The following RIMS4 variants were observed in gnomAD, a reference collection of about 807,000 sequenced individuals.
The protein encoded by RIMS4 is regulating synaptic membrane exocytosis 4.
RIMS4 carries 9 observed loss-of-function variants against 29.0 expected under a neutral mutation model. That is an observed-to-expected ratio of 0.31 (90% CI 0.19 to 0.54). The LOEUF (loss-of-function observed/expected upper bound fraction) is 0.54, where lower values mean the gene tolerates loss of function less well. Among genes scored for constraint, RIMS4 ranks in the 20% least tolerant of loss-of-function variants. The pLI is 0.94. For synonymous variants in RIMS4, 130 were observed against 152.9 expected, an observed-to-expected ratio of 0.85 and a Z score of 1.10; for missense variants, 193 against 365.7, an observed-to-expected ratio of 0.53 and a Z score of 3.85.
At chr20:44,807,883 A>G (rs1214232510) in intron 1 of RIMS4, among the ~76,000 whole-genome samples, 3 of 151,952 alleles carry the variant, frequency 2.0e-5, no homozygotes, top group Non-Finnish European at 4.4e-5. Flanking sequence ...AGATGCCCAA[A>G]CCAAACTCTT....
chr20:44,795,841 G>A (rs2066252606), intron 1 of RIMS4, among the ~76,000 whole-genome samples: 1 of 152,052 alleles, frequency 6.6e-6, no homozygotes, highest in Non-Finnish European at 1.5e-5. Flanking sequence ...AGCAGAGTGT[G>A]GTCTCCAGAC....
At chr20:44,777,421 GTT>G (rs1046723153) in intron 1 of RIMS4, among the ~76,000 whole-genome samples, 25 of 152,156 alleles carry the variant, frequency 1.6e-4, no homozygotes, top group Non-Finnish European at 2.5e-4. Flanking sequence ...AGATTCTATT[GTT>G]TTTAGCATTT....
intron 1 of RIMS4, among the ~76,000 whole-genome samples, chr20:44,794,969 G>A (rs1046037075): frequency 2.6e-5 from 4 of 152,116 alleles, no homozygotes; most frequent in Non-Finnish European, 4.4e-5. Context: ...ACCCAAGAGG[G>A]GTTCCAACTG....
chr20:44,758,065 C>G lies in RIMS4; in HGVS notation c.349+7G>C. ...AGTCCATTTGAAACCAGCCTTGGGG[C>G]ACTCACCCATGGGTGTGGTGGCCAG... On this transcript the variant is annotated splice_region_variant and intron_variant, in intron 3 of 5. Transcript: ENST00000372851. The G allele has an allele frequency of 6.3e-7, 1 of 1,587,750 alleles. No individual in the cohort carries two copies. The highest frequency in any genetic ancestry group is 8.6e-7 in the Non-Finnish European group (1 of 1,162,856).
At chr20:44,795,237 G>A (rs945830659) in intron 1 of RIMS4, among the ~76,000 whole-genome samples, 8 of 152,224 alleles carry the variant, frequency 5.3e-5, no homozygotes, top group African/African-American at 7.2e-5. Flanking sequence ...GCCAAGTGGC[G>A]AAGCTCCAGA....
intron 1 of RIMS4, among the ~76,000 whole-genome samples, chr20:44,772,809 C>T (rs990427883): frequency 3.3e-5 from 5 of 152,184 alleles, no homozygotes; most frequent in African/African-American, 1.2e-4. Flanking sequence ...CATCCTCCTC[C>T]TGCCAGAGGA....
At chr20:44,800,891 G>A (rs1262004186) in intron 1 of RIMS4, among the ~76,000 whole-genome samples, 2 of 152,192 alleles carry the variant, frequency 1.3e-5, no homozygotes, top group African/African-American at 2.4e-5. Flanking sequence ...AGACCAGAGC[G>A]AGGAGGCCTG....
At chr20:44,776,547 A>G (rs1295190589) in intron 1 of RIMS4, among the ~76,000 whole-genome samples, 1 of 152,188 alleles carries the variant, frequency 6.6e-6, no homozygotes, top group African/African-American at 2.4e-5. Flanking sequence ...TTAGCTTTAA[A>G]TAACACCTAT....
chr20:44,775,360 G>A (rs1385237117), intron 1 of RIMS4, among the ~76,000 whole-genome samples: 1 of 152,138 alleles, frequency 6.6e-6, no homozygotes, highest in African/African-American at 2.4e-5. Flanking sequence ...GCCAGTACCT[G>A]GCACCTTTTT....
intron 1 of RIMS4, among the ~76,000 whole-genome samples, chr20:44,789,866 C>T (rs958601480): frequency 1.3e-5 from 2 of 152,216 alleles, no homozygotes; most frequent in Non-Finnish European, 2.9e-5. Context: ...CCCAGCCCAA[C>T]ATGTGAAGAT....
At chr20:44,766,332 A>C (rs1363453333) in intron 2 of RIMS4, among the ~76,000 whole-genome samples, 3 of 152,184 alleles carry the variant, frequency 2.0e-5, no homozygotes. Context: ...AGAAGGAATG[A>C]GTCAGAGGGT....
chr20:44,786,240 G>A (rs2066207929), intron 1 of RIMS4, among the ~76,000 whole-genome samples: 1 of 152,090 alleles, frequency 6.6e-6, no homozygotes, highest in African/African-American at 2.4e-5. Flanking sequence ...ATATGGAAGG[G>A]CCACCCAGCC....
At position 44,756,881 on chromosome 20, in the gene RIMS4, G is replaced by A. The variant is rs773263509; in HGVS notation, c.591+17C>T. The A allele has an allele frequency of 4.3e-5, 70 of 1,612,570 alleles. No individual in the cohort carries two copies. In the South Asian group the frequency reaches 4.8e-4, roughly 11 times the overall value. On this transcript the variant is annotated intron_variant, in intron 5 of 5. Coordinates refer to ENST00000372851, the MANE Select transcript of RIMS4 (RefSeq NM_182970.4). The surrounding 1 kb of genome is among the most constrained non-coding windows in gnomAD (Gnocchi z 5.9). ...CTCGTGCACACACACACACGTGAGC[G>A]CGTCAATGCCCCTCACCTGGAGGAC...
chr20:44,775,575 A>G (rs1216086818), intron 1 of RIMS4, among the ~76,000 whole-genome samples: 2 of 152,230 alleles, frequency 1.3e-5, no homozygotes, highest in African/African-American at 2.4e-5. Context: ...CGCAGCCCCC[A>G]GAGTAACCCC....
At chr20:44,809,540 G>A (rs567405150) in intron 1 of RIMS4, among the ~76,000 whole-genome samples, 1 of 152,078 alleles carries the variant, frequency 6.6e-6, no homozygotes, top group Admixed American at 6.5e-5. Flanking sequence ...AGTTGGCGCC[G>A]CCCTACACCT....
In RIMS4 at chr20:44,753,143, G is replaced by A. The variant is rs1601013106; in HGVS notation, c.*2991C>T. The A allele has an allele frequency of 6.5e-6, 1 of 152,734 alleles. No individual in the cohort carries two copies. The highest frequency in any genetic ancestry group is 1.9e-4 in the East Asian group (1 of 5,200). 9.5% of individuals were successfully genotyped at this position (152,734 alleles called of 1,614,324 possible). A position where few individuals can be genotyped will look rare whatever the true frequency, so the allele number is the denominator to read the frequency against. On this transcript the variant is annotated 3_prime_UTR_variant, in exon 6 of 6. Coordinates refer to ENST00000372851, the MANE Select transcript of RIMS4 (RefSeq NM_182970.4). The stretch of plus-strand genomic sequence containing the variant: ...AGGGGTCTTGTGTGAGTCACTTCCT[G>A]TTTCTGGGCCTCAGTTTCCCAACCT...
At chr20:44,794,367 C>T (rs540572373) in intron 1 of RIMS4, among the ~76,000 whole-genome samples, 12 of 152,294 alleles carry the variant, frequency 7.9e-5, no homozygotes, top group Non-Finnish European at 1.5e-4. Context: ...CATTCAGACC[C>T]CACTCCCAAT....
chr20:44,781,384 G>A (rs773340012), intron 1 of RIMS4, among the ~76,000 whole-genome samples: 36 of 152,202 alleles, frequency 2.4e-4, no homozygotes, highest in Admixed American at 5.9e-4. Context: ...ATGCAGCACT[G>A]GAGTTAGAGG....
chr20:44,761,347 C>G (rs1389290389), intron 2 of RIMS4, among the ~76,000 whole-genome samples: 1 of 152,160 alleles, frequency 6.6e-6, no homozygotes, highest in Non-Finnish European at 1.5e-5. Flanking sequence ...CAGCACTCAC[C>G]TCTATACTTT....
Sources: gnomAD v4.1 joint callset for allele counts (sites outside exome capture counted in the v4.1 genomes callset) on GRCh38, gnomAD v4.1.1 for gene constraint, Gnocchi (gnomAD v3.1) non-coding constraint, MANE v1.5 for transcripts, NCBI Gene and HGNC (gene_info 2026-07-23, HGNC 2026-07-21) for gene names.